The following PLAAT1 variants were observed in gnomAD, a reference collection of about 807,000 sequenced individuals.
PLAAT1 encodes H-REV107 protein-related protein.
In PLAAT1, 13 loss-of-function variants were observed where a neutral mutation model predicts 16.4. The ratio of observed to expected loss-of-function variants is 0.79; its 90% CI spans 0.52 to 1.26. The LOEUF is 1.26. Among genes scored for constraint, PLAAT1 ranks in the 50% most tolerant of loss-of-function variants. PLAAT1 has a pLI of 0.00. For missense variants in PLAAT1, 218 were observed against 207.8 expected, an observed-to-expected ratio of 1.05 and a Z score of -0.30; for synonymous variants, 73 against 78.4, an observed-to-expected ratio of 0.93 and a Z score of 0.36.
At chr3:193,271,967 T>TCC (rs1206074371), downstream of PLAAT1, among the ~76,000 whole-genome samples, 3 of 152,000 alleles carry the variant, frequency 2.0e-5, no homozygotes, top group Admixed American at 2.0e-4. Flanking sequence ...AATAATTCCC[T>TCC]CCCTTTCTTA....
chr3:193,255,550 T>A, intron 1 of PLAAT1, 101 bp from the exon 2 acceptor site: 1 of 1,168,980 alleles, frequency 8.6e-7, no homozygotes, highest in Non-Finnish European at 1.2e-6. Flanking sequence ...TAGAATGCAG[T>A]CTCAATAAAT....
In PLAAT1 at chr3:193,263,012, G is replaced by T; in HGVS notation, c.182G>T (p.Ser61Ile). Reference sequence around the variant, plus strand: ...TTTACAAGCGCCAAGTCTGTATTCAGCAGTAAGGCCCTGGTGAAAATGCAG... The same window carrying T: ...TTTACAAGCGCCAAGTCTGTATTCATCAGTAAGGCCCTGGTGAAAATGCAG... Reference protein sequence around the residue: ...ASFTSAKSVFSSKALVKMQLL... With the variant: ...ASFTSAKSVFISKALVKMQLL... Residue 61 changes from serine to isoleucine, a missense_variant, in exon 3 of 4, where the codon AGC (serine) becomes ATC (isoleucine). Coordinates refer to ENST00000264735, the MANE Select transcript of PLAAT1 (RefSeq NM_020386.5). 6.2e-7 allele frequency: 1 copy of T among 1,614,144 alleles called. No individual in the cohort carries two copies. The highest frequency in any genetic ancestry group is 8.5e-7 in the Non-Finnish European group (1 of 1,180,012).
At chr3:193,260,934 T>C (rs1577307381) in intron 2 of PLAAT1, among the ~76,000 whole-genome samples, 1 of 152,322 alleles carries the variant, frequency 6.6e-6, no homozygotes, top group Non-Finnish European at 1.5e-5. Context: ...AGGAAGGACA[T>C]AGAATCAGTC....
At chr3:193,272,054 C>T (rs1408346720), downstream of PLAAT1, among the ~76,000 whole-genome samples, 1 of 152,100 alleles carries the variant, frequency 6.6e-6, no homozygotes, top group Non-Finnish European at 1.5e-5. Flanking sequence ...TGAGTGTCTC[C>T]TACCAGGAAC....
chr3:193,268,108 A>G (rs1385961393), intron 3 of PLAAT1, among the ~76,000 whole-genome samples: 2 of 152,058 alleles, frequency 1.3e-5, no homozygotes, highest in African/African-American at 2.4e-5. Flanking sequence ...TGTCTTTTAC[A>G]GTTGTTTTCT....
chr3:193,250,421 G>GCTT (rs1460754459), intron 1 of PLAAT1, among the ~76,000 whole-genome samples: 1 of 152,146 alleles, frequency 6.6e-6, no homozygotes, highest in Admixed American at 6.5e-5. Context: ...TGAGGCGGAT[G>GCTT]CTTATACTCT....
intron 1 of PLAAT1, among the ~76,000 whole-genome samples, chr3:193,248,317 T>C (rs954557062): frequency 6.6e-6 from 1 of 151,084 alleles, no homozygotes; most frequent in Non-Finnish European, 1.5e-5. Context: ...GAGGTGAAGT[T>C]AATCTATTGT....
At chr3:193,260,031 G>A (rs1437992591) in intron 2 of PLAAT1, among the ~76,000 whole-genome samples, 1 of 152,106 alleles carries the variant, frequency 6.6e-6, no homozygotes, top group African/African-American at 2.4e-5. Context: ...GAACAGAATA[G>A]AGAACCCAGA....
At chr3:193,256,111 A>G (rs1378236903) in intron 2 of PLAAT1, among the ~76,000 whole-genome samples, 2 of 152,224 alleles carry the variant, frequency 1.3e-5, no homozygotes, top group Admixed American at 6.5e-5. Flanking sequence ...GGTTATTTCA[A>G]TTTATTCAAC....
At chr3:193,264,508 C>T (rs1427452200) in intron 3 of PLAAT1, among the ~76,000 whole-genome samples, 3 of 33,598 alleles carry the variant, frequency 8.9e-5, no homozygotes, top group South Asian at 1.3e-3. Flanking sequence ...TCTTCTTCTT[C>T]TTCTTTTTTT....
chr3:193,252,316 C>A (rs575932380), intron 1 of PLAAT1, among the ~76,000 whole-genome samples: 5 of 152,278 alleles, frequency 3.3e-5, no homozygotes, highest in Admixed American at 1.3e-4. Context: ...CCACCAGACC[C>A]CACCTCCAAC....
At chr3:193,270,449 CTTTATGCAGAAT>C (rs1262509049) in intron 3 of PLAAT1, among the ~76,000 whole-genome samples, 143 bp from the exon 4 acceptor site, 1 of 152,182 alleles carries the variant, frequency 6.6e-6, no homozygotes, top group African/African-American at 2.4e-5. Context: ...ATTTCTTCAT[CTTTATGCAGAAT>C]TTTAATTTTG....
At chr3:193,266,659 A>T (rs542389553) in intron 3 of PLAAT1, among the ~76,000 whole-genome samples, 5 of 152,150 alleles carry the variant, frequency 3.3e-5, no homozygotes, top group Non-Finnish European at 7.4e-5. Context: ...TTGAAAGATT[A>T]TGGAGATATT....
chr3:193,272,328 A>C (rs956179157), downstream of PLAAT1, among the ~76,000 whole-genome samples: 2 of 152,130 alleles, frequency 1.3e-5, no homozygotes, highest in Non-Finnish European at 2.9e-5. Context: ...CTACAGTCCC[A>C]GCTACTCAGG....
chr3:193,250,053 C>T (rs544298272), intron 1 of PLAAT1, among the ~76,000 whole-genome samples: 32 of 152,008 alleles, frequency 2.1e-4, no homozygotes, highest in African/African-American at 6.8e-4. Context: ...CATTTTCCTC[C>T]GTTCCCTATG....
rs985940155 is a variant in PLAAT1, at chr3:193,241,400, G to C, written c.-134G>C. 8.1e-7 allele frequency: 1 copy of C among 1,231,664 alleles called. No homozygotes were observed. The highest frequency in any genetic ancestry group is 1.0e-6 in the Non-Finnish European group (1 of 988,036). The allele number at this position is 1,231,664 out of a possible 1,614,324, so 76.3% of individuals were successfully genotyped here. ...AGTGATGGCTGGCGCCTGCCTCCCG[G>C]GTGTCTCCCGGGTACAGATGGAGTC... is the stretch of plus-strand genomic sequence containing the variant. On this transcript the variant is annotated 5_prime_UTR_variant, in exon 1 of 4. Transcript: ENST00000264735.
intron 1 of PLAAT1, among the ~76,000 whole-genome samples, chr3:193,255,407 C>G (rs569719771): frequency 1.3e-5 from 2 of 152,010 alleles, no homozygotes; most frequent in Non-Finnish European, 2.9e-5. Flanking sequence ...TGAAATTGAT[C>G]GGGATGAGAA....
At chr3:193,241,808 C>T (rs1715762749) in intron 1 of PLAAT1, among the ~76,000 whole-genome samples, 1 of 152,164 alleles carries the variant, frequency 6.6e-6, no homozygotes, top group African/African-American at 2.4e-5. Context: ...AATAATAATA[C>T]AAGTAATTAT....
At chr3:193,252,947 TC>T (rs11322435) in intron 1 of PLAAT1, among the ~76,000 whole-genome samples, 58,098 of 151,904 alleles carry the variant, frequency 0.38, 12,731 homozygotes, top group Non-Finnish European at 0.48. Context: ...CCAGGAAGCC[TC>T]AATAGGAGCA....
Sources: gnomAD v4.1 joint callset for allele counts (sites outside exome capture counted in the v4.1 genomes callset) on GRCh38, gnomAD v4.1.1 for gene constraint, MANE v1.5 for transcripts, NCBI Gene and HGNC (gene_info 2026-07-23, HGNC 2026-07-21) for gene names.